NELL2: variants seen among roughly 807,000 people sequenced by gnomAD.
The protein encoded by NELL2 is neural EGFL like 2.
A neutral mutation model predicts 109.6 loss-of-function variants in NELL2; 41 were observed. That is an observed-to-expected ratio of 0.37 (90% CI 0.29 to 0.49). The LOEUF is 0.49. Ranked by LOEUF, NELL2 falls within the 20% of genes least tolerant of loss-of-function variation. The pLI is 0.98. For synonymous variants in NELL2, 355 were observed against 344.7 expected (o/e 1.03, Z -0.33); for missense variants, 900 against 1,008.3 (o/e 0.89, Z 1.45).
chr12:44,566,797 T>A (rs1167590348), intron 15 of NELL2, among the ~76,000 whole-genome samples: 1 of 152,168 alleles, frequency 6.6e-6, no homozygotes, highest in East Asian at 1.9e-4. Context: ...TTGAAAATTA[T>A]GAAGTACTCT....
At chr12:44,659,625 T>C (rs748430326) in intron 13 of NELL2, among the ~76,000 whole-genome samples, 7 of 152,066 alleles carry the variant, frequency 4.6e-5, no homozygotes, top group African/African-American at 7.2e-5. Flanking sequence ...TCATTAGTGA[T>C]AACTTTTTAA....
intron 2 of NELL2, among the ~76,000 whole-genome samples, chr12:44,860,696 T>A (rs1259649421): frequency 5.4e-5 from 3 of 55,228 alleles, no homozygotes; most frequent in Non-Finnish European, 1.6e-4. Context: ...AGCTAGATAA[T>A]CCACAATAAT....
chr12:44,874,433 A>G (rs1477437551), intron 2 of NELL2, among the ~76,000 whole-genome samples: 1 of 152,182 alleles, frequency 6.6e-6, no homozygotes, highest in Non-Finnish European at 1.5e-5. Flanking sequence ...CAAACAAGCA[A>G]TCCTCAAAAG....
At chr12:44,921,843 T>C (rs1945870410) in exon 1 of NELL2, 1 of 152,104 alleles carries the variant, frequency 6.6e-6, no homozygotes, top group Non-Finnish European at 1.5e-5. Context: ...AGTTCACATG[T>C]GGTTTGTACT....
At chr12:44,849,148 A>G (rs1407072193) in intron 2 of NELL2, among the ~76,000 whole-genome samples, 3 of 152,324 alleles carry the variant, frequency 2.0e-5, no homozygotes, top group African/African-American at 7.2e-5. Flanking sequence ...TTCTTGAACA[A>G]GACACAAAAT....
In NELL2 at chr12:44,573,835, C is replaced by T. The variant is rs117843670; in HGVS notation, c.1663+33334G>A. 4.6e-3 allele frequency among the ~76,000 whole-genome samples: 707 copies of T among 152,238 alleles called. 2 individuals carry two copies. Among genetic ancestry groups the T allele is most frequent in the Middle Eastern group, 0.024 (7 of 294 alleles). On this transcript the variant is annotated intron_variant, in intron 15 of 19. Coordinates refer to ENST00000429094, the MANE Select transcript of NELL2 (RefSeq NM_001145108.2). ...TATTTAATATGAGAATTCCTCACAACGCAGAAAGATTTTAACTGTACACAG... is the reference window on the plus strand; with the variant it reads ...TATTTAATATGAGAATTCCTCACAATGCAGAAAGATTTTAACTGTACACAG...
At chr12:44,808,090 T>G (rs553483248) in intron 3 of NELL2, among the ~76,000 whole-genome samples, 79 of 152,072 alleles carry the variant, frequency 5.2e-4, no homozygotes, top group African/African-American at 1.7e-3. Context: ...ATACCCAAAA[T>G]GTGTAATGAA....
At chr12:44,844,886 T>A (rs1324116596) in intron 2 of NELL2, among the ~76,000 whole-genome samples, 1 of 152,122 alleles carries the variant, frequency 6.6e-6, no homozygotes, top group Non-Finnish European at 1.5e-5. Flanking sequence ...GCACAATTAA[T>A]ATAAAAGGAA....
At chr12:44,700,817 C>T (rs1357520632) in intron 12 of NELL2, among the ~76,000 whole-genome samples, 1 of 152,124 alleles carries the variant, frequency 6.6e-6, no homozygotes, top group Admixed American at 6.6e-5. Flanking sequence ...ATCTAATTTA[C>T]TGCTTTATCC....
At chr12:44,703,649 T>A (rs759036245) in intron 12 of NELL2, 77 bp downstream of exon 12, 1 of 1,511,912 alleles carries the variant, frequency 6.6e-7, no homozygotes, top group Non-Finnish European at 9.1e-7. Context: ...CTTGACAACC[T>A]GGGAACTTAA....
Position 44,742,789 on chromosome 12 carries a change from A to T in NELL2, c.995-28048T>A, listed in dbSNP as rs1324890427. 2.6e-5 allele frequency among the ~76,000 whole-genome samples: 4 copies of T among 152,208 alleles called. No homozygotes were observed. The East Asian group carries it at 5.8e-4, about 22-fold the overall frequency. On this transcript the variant is annotated intron_variant, in intron 9 of 19. Coordinates refer to ENST00000429094, the MANE Select transcript of NELL2 (RefSeq NM_001145108.2). Reference sequence around the variant, plus strand: ...AAGAAATGAACAAAGCCTCCAAGAAAATGGGACTACGTGAAAAGACCAAAT... The same window carrying T: ...AAGAAATGAACAAAGCCTCCAAGAATATGGGACTACGTGAAAAGACCAAAT...
At chr12:44,746,150 T>C (rs1041069851) in intron 9 of NELL2, among the ~76,000 whole-genome samples, 137 of 152,290 alleles carry the variant, frequency 9.0e-4, no homozygotes, top group African/African-American at 3.2e-3. Context: ...GCCGCGTATC[T>C]ACAACTATCT....
intron 15 of NELL2, among the ~76,000 whole-genome samples, chr12:44,537,772 T>C (rs1443761503): frequency 6.6e-6 from 1 of 152,094 alleles, no homozygotes; most frequent in Non-Finnish European, 1.5e-5. Flanking sequence ...GCTTTCAACA[T>C]TTAGGCATGA....
intron 9 of NELL2, among the ~76,000 whole-genome samples, chr12:44,760,477 G>T (rs963929530): frequency 2.6e-5 from 4 of 152,028 alleles, no homozygotes; most frequent in African/African-American, 9.7e-5. Flanking sequence ...TGGTAGATTT[G>T]CTCTCCTGGA....
chr12:44,680,653 CCTAA>C (rs374695892), intron 12 of NELL2, among the ~76,000 whole-genome samples: 20 of 152,210 alleles, frequency 1.3e-4, no homozygotes, highest in African/African-American at 4.3e-4. Context: ...GCACCAATTT[CCTAA>C]CTGTCTCTTG....
chr12:44,920,850 T>C (rs1204643599), intron 1 of NELL2, among the ~76,000 whole-genome samples: 3 of 152,130 alleles, frequency 2.0e-5, no homozygotes, highest in Non-Finnish European at 4.4e-5. Flanking sequence ...TAAAATGAAA[T>C]ACTTTACATA....
At chr12:44,700,762 G>A (rs534900119) in intron 12 of NELL2, among the ~76,000 whole-genome samples, 4 of 152,118 alleles carry the variant, frequency 2.6e-5, no homozygotes, top group South Asian at 4.2e-4. Flanking sequence ...TAATGAAATG[G>A]CATGTTAATT....
chr12:44,898,645 G>A (rs1316641989), intron 1 of NELL2, among the ~76,000 whole-genome samples: 1 of 152,174 alleles, frequency 6.6e-6, no homozygotes, highest in Non-Finnish European at 1.5e-5. Flanking sequence ...CCATGAAGAT[G>A]AGGAAAACCA....
intron 9 of NELL2, among the ~76,000 whole-genome samples, chr12:44,768,193 G>C (rs1333964832): frequency 6.6e-6 from 1 of 152,058 alleles, no homozygotes; most frequent in Non-Finnish European, 1.5e-5. Context: ...TAATCTGAAG[G>C]CTGCATTGTT....
Sources: gnomAD v4.1 joint callset for allele counts (sites outside exome capture counted in the v4.1 genomes callset) on GRCh38, gnomAD v4.1.1 for gene constraint, MANE v1.5 for transcripts, NCBI Gene and HGNC (gene_info 2026-07-23, HGNC 2026-07-21) for gene names.